Variants in SLC11A2 observed in about 807,000 individuals in gnomAD.
SLC11A2 encodes the protein natural resistance-associated macrophage protein 2.
A neutral mutation model predicts 68.0 loss-of-function variants in SLC11A2; 38 were observed. The observed-to-expected ratio is 0.56, with a 90% CI of 0.43 to 0.73. The LOEUF (loss-of-function observed/expected upper bound fraction) is 0.73, where lower values mean the gene tolerates loss of function less well. Ranked by LOEUF, SLC11A2 falls within the 30% of genes least tolerant of loss-of-function variation. The pLI is 0.00. For synonymous variants in SLC11A2, 242 were observed against 250.6 expected, an observed-to-expected ratio of 0.97 and a Z score of 0.32; for missense variants, 517 against 690.5, an observed-to-expected ratio of 0.75 and a Z score of 2.82.
rs531342750 is a variant in SLC11A2, at chr12:50,996,672, A to C, written c.831+145T>G. The C allele has an allele frequency of 5.1e-6, 4 of 779,722 alleles. No individual in the cohort carries two copies. In the African/African-American group the frequency reaches 6.8e-5, roughly 13 times the overall value. 48.3% of individuals were successfully genotyped at this position (779,722 alleles called of 1,614,324 possible). ...GGTGATAAAAACAGCATCTAAGTAT[A>C]TGGAGTTTATAAATGTCCAGGCTTG... On this transcript the variant is annotated intron_variant, in intron 9 of 15. Coordinates refer to ENST00000262052, the MANE Select transcript of SLC11A2 (RefSeq NM_000617.3).
intron 15 of SLC11A2, chr12:50,990,524 C>T: frequency 2.5e-6 from 1 of 394,898 alleles, no homozygotes; most frequent in South Asian, 6.1e-5. Flanking sequence ...ATTCCATATA[C>T]ATTGTCTCGA....
chr12:50,984,606 A>T (rs1332882939), downstream of SLC11A2, among the ~76,000 whole-genome samples: 1 of 152,162 alleles, frequency 6.6e-6, no homozygotes, highest in Non-Finnish European at 1.5e-5. Context: ...ATGGCCTGGA[A>T]ATAGGCTAAA....
chr12:50,996,895 T>C lies in SLC11A2; in HGVS notation c.753A>G (p.Pro251=), dbSNP rs759617438. The part of the protein sequence containing the change: ...FVPSCSGCRT[P]QIEQAVGIVG... ...CGATGCCCACAGCCTGTTCAATCTGTGGAGTGCGACAGCCTGAACAGGATG... is the reference window on the plus strand; with the variant it reads ...CGATGCCCACAGCCTGTTCAATCTGCGGAGTGCGACAGCCTGAACAGGATG... The change falls in exon 9 of 16, where the codon CCA becomes CCG. Residue 251 remains proline, a synonymous_variant. Transcript: ENST00000262052. 31 of 1,613,930 alleles carry C rather than the reference T, an allele frequency of 1.9e-5. No individual in the cohort carries two copies. The highest frequency in any genetic ancestry group is 2.5e-5 in the Non-Finnish European group (30 of 1,179,970).
At chr12:50,978,138 C>G (rs2136113947), downstream of SLC11A2, among the ~76,000 whole-genome samples, 1 of 152,180 alleles carries the variant, frequency 6.6e-6, no homozygotes. Flanking sequence ...CATCCCATTA[C>G]TGGGTATATA....
the SLC11A2 span, among the ~76,000 whole-genome samples, chr12:50,972,551 G>C: frequency 6.6e-6 from 1 of 152,208 alleles, no homozygotes; most frequent in East Asian, 1.9e-4. Context: ...CCAGTCTACA[G>C]CTCCCAGCAT....
chr12:50,994,187 C>T (rs1268117946), intron 11 of SLC11A2, among the ~76,000 whole-genome samples: 1 of 151,786 alleles, frequency 6.6e-6, no homozygotes, highest in Non-Finnish European at 1.5e-5. Flanking sequence ...ATTACAGGTG[C>T]CCACCACCAC....
chr12:50,983,967 TAAAA>T (rs1223242327), downstream of SLC11A2, among the ~76,000 whole-genome samples: 10 of 122,246 alleles, frequency 8.2e-5, no homozygotes, highest in African/African-American at 3.1e-4. Context: ...GACTCCATCT[TAAAA>T]AAAAAAAATT....
At chr12:50,998,164 C>T (rs1433063792) in intron 8 of SLC11A2, among the ~76,000 whole-genome samples, 1 of 151,836 alleles carries the variant, frequency 6.6e-6, no homozygotes, top group Non-Finnish European at 1.5e-5. Context: ...TCAAGACCAG[C>T]CTGGCCAACA....
Position 50,987,244 on chromosome 12 carries a change from A to G in SLC11A2, c.*1081T>C. Reference sequence around the variant, plus strand: ...AGACAGTGAACTTTGCAACCATACTAACACCTACTGACTTGCAGAGAACGC... The same window carrying G: ...AGACAGTGAACTTTGCAACCATACTGACACCTACTGACTTGCAGAGAACGC... On this transcript the variant is annotated 3_prime_UTR_variant, in exon 16 of 16. Transcript: ENST00000262052. 7.8e-7 allele frequency: 1 copy of G among 1,287,224 alleles called. No homozygotes were observed. The highest frequency in any genetic ancestry group is 1.0e-6 in the Non-Finnish European group (1 of 988,696). The allele number at this position is 1,287,224 out of a possible 1,614,324, so 79.7% of individuals were successfully genotyped here. A position where few individuals can be genotyped will look rare whatever the true frequency, so the allele number is the denominator to read the frequency against.
chr12:50,999,288 C>T (rs1310796010), intron 7 of SLC11A2, 47 bp from the exon 8 acceptor site: 2 of 1,606,032 alleles, frequency 1.2e-6, no homozygotes, highest in African/African-American at 1.3e-5. Flanking sequence ...TAGACTTCCC[C>T]ATCTGCCACA....
chr12:50,984,317 C>T (rs971510067), downstream of SLC11A2, among the ~76,000 whole-genome samples: 1 of 152,068 alleles, frequency 6.6e-6, no homozygotes, highest in African/African-American at 2.4e-5. Flanking sequence ...GCTAGGAAAA[C>T]ACTGTATTAC....
intron 12 of SLC11A2, 28 bp downstream of exon 12, chr12:50,992,781 AT>A (rs1228263348): frequency 1.2e-6 from 2 of 1,603,546 alleles, no homozygotes; most frequent in Non-Finnish European, 1.7e-6. Flanking sequence ...GGGTTGTGTT[AT>A]CTCCCTCTAT....
At chr12:50,981,872 C>A, downstream of SLC11A2, 1 of 854,000 alleles carries the variant, frequency 1.2e-6, no homozygotes, top group Non-Finnish European at 1.7e-6. Context: ...CTTTTAAGTA[C>A]CTATAATTAG....
rs192332675 is a variant in SLC11A2, at chr12:50,999,482, T to C, written c.537-67A>G. Reference sequence around the variant, plus strand: ...AAAGGAAACATTGAAAAACACTCTCTTCCCAACAGCTCTCCAGATAAAGAA... The same window carrying C: ...AAAGGAAACATTGAAAAACACTCTCCTCCCAACAGCTCTCCAGATAAAGAA... On this transcript the variant is annotated intron_variant, in intron 6 of 15. Coordinates refer to ENST00000262052, the MANE Select transcript of SLC11A2 (RefSeq NM_000617.3). 4.8e-6 allele frequency: 6 copies of C among 1,252,394 alleles called. No individual in the cohort carries two copies. The East Asian group carries it at 1.4e-4, about 29-fold the overall frequency. 77.6% of individuals were successfully genotyped at this position (1,252,394 alleles called of 1,614,324 possible).
chr12:50,985,922 T>G, downstream of SLC11A2: 25 of 1,100,456 alleles, frequency 2.3e-5, no homozygotes, highest in Non-Finnish European at 2.7e-5. Flanking sequence ...TTCAGTATTT[T>G]TTGTATCAAA....
chr12:50,955,057 C>T, the SLC11A2 span, among the ~76,000 whole-genome samples: 101 of 152,104 alleles, frequency 6.6e-4, no homozygotes, highest in African/African-American at 1.0e-3. Flanking sequence ...TTTGAGAGGC[C>T]GAGGCAGGTG....
chr12:50,994,636 AC>A lies in SLC11A2; in HGVS notation c.991-7del, dbSNP rs1941526042. 51 of 1,595,182 alleles carry A rather than the reference AC, an allele frequency of 3.2e-5. No individual in the cohort carries two copies. The highest frequency in any genetic ancestry group is 4.4e-5 in the Non-Finnish European group (51 of 1,162,812). On this transcript the variant is annotated splice_region_variant and splice_polypyrimidine_tract_variant and intron_variant, in intron 10 of 15. Transcript: ENST00000262052. Reference sequence around the variant, plus strand: ...GTATTTGTACAGACTTCAACCTAGAACCCAAAGCAATTCAACAGCAACTTTT... The same window carrying A: ...GTATTTGTACAGACTTCAACCTAGAACCAAAGCAATTCAACAGCAACTTTT...
chr12:50,982,938 CAAAA>C (rs34727368), downstream of SLC11A2, among the ~76,000 whole-genome samples: 3 of 90,028 alleles, frequency 3.3e-5, no homozygotes, highest in African/African-American at 4.5e-5. Flanking sequence ...GAGACTCCGT[CAAAA>C]AAAAAAAAAA....
chr12:50,999,636 G>C (rs1942028822), intron 6 of SLC11A2: 4 of 565,296 alleles, frequency 7.1e-6, no homozygotes. Context: ...GTCACTCTTA[G>C]GATACAAAGC....
Sources: gnomAD v4.1 joint callset for allele counts (sites outside exome capture counted in the v4.1 genomes callset) on GRCh38, gnomAD v4.1.1 for gene constraint, MANE v1.5 for transcripts, NCBI Gene and HGNC (gene_info 2026-07-23, HGNC 2026-07-21) for gene names.